Variants in ABTB3 observed in about 807,000 individuals in gnomAD.
The protein encoded by ABTB3 is ankyrin repeat and BTB domain containing 3, also known as ankyrin repeat- and BTB/POZ domain-containing protein 3.
chr12:107,592,886 T>A, the ABTB3 span, among the ~76,000 whole-genome samples: 1 of 152,204 alleles, frequency 6.6e-6, no homozygotes. Context: ...GGTCATTATA[T>A]TACTCTATAT....
the ABTB3 span, among the ~76,000 whole-genome samples, chr12:107,482,987 TC>T: frequency 0.17 from 2,406 of 14,172 alleles, 63 homozygotes; most frequent in East Asian, 0.22. Flanking sequence ...TTTCTTTCTT[TC>T]CTTCCTTCCT....
chr12:107,644,487 T>G, the ABTB3 span, among the ~76,000 whole-genome samples: 1 of 152,188 alleles, frequency 6.6e-6, no homozygotes, highest in Non-Finnish European at 1.5e-5. Context: ...ACAGAATTTC[T>G]TACACATTAG....
chr12:107,621,022 G>A, the ABTB3 span, among the ~76,000 whole-genome samples: 11 of 152,236 alleles, frequency 7.2e-5, no homozygotes, highest in Admixed American at 3.3e-4. Context: ...TCCCCCTGCC[G>A]GGCTGGGCTG....
the ABTB3 span, among the ~76,000 whole-genome samples, chr12:107,623,061 C>CTTTT: frequency 1.4e-5 from 2 of 138,272 alleles, no homozygotes; most frequent in East Asian, 2.1e-4. Flanking sequence ...GCTTATTTGT[C>CTTTT]TTTTTTTTTT....
chr12:107,641,055 AG>A, the ABTB3 span, among the ~76,000 whole-genome samples: 13 of 152,158 alleles, frequency 8.5e-5, no homozygotes, highest in Non-Finnish European at 1.9e-4. Context: ...GGTGGCGAGC[AG>A]GGGGTCCCTG....
the ABTB3 span, among the ~76,000 whole-genome samples, chr12:107,605,439 G>A: frequency 2.0e-5 from 3 of 152,220 alleles, no homozygotes; most frequent in Non-Finnish European, 2.9e-5. Context: ...AGAGAGCCAG[G>A]GGAAGGACCT....
the ABTB3 span, among the ~76,000 whole-genome samples, chr12:107,397,145 G>T: frequency 6.6e-6 from 1 of 152,206 alleles, no homozygotes; most frequent in Non-Finnish European, 1.5e-5. Context: ...AAGTAGAATT[G>T]CTGAATCACA....
At chr12:107,402,936 AC>A in the ABTB3 span, among the ~76,000 whole-genome samples, 2 of 151,156 alleles carry the variant, frequency 1.3e-5, no homozygotes, top group South Asian at 4.2e-4. Context: ...CCCCCCACCC[AC>A]CCCCAGGCTG....
At chr12:107,352,924 C>T in the ABTB3 span, among the ~76,000 whole-genome samples, 4 of 152,192 alleles carry the variant, frequency 2.6e-5, no homozygotes, top group African/African-American at 4.8e-5. Flanking sequence ...AAAGTTCTTT[C>T]GAAAGCAGAA....
the ABTB3 span, among the ~76,000 whole-genome samples, chr12:107,377,154 C>T: frequency 3.7e-3 from 559 of 152,230 alleles, 3 homozygotes; most frequent in African/African-American, 0.013. Flanking sequence ...GGGCCAAAGT[C>T]TCACCCCTCT....
chr12:107,345,351 C>T, the ABTB3 span, among the ~76,000 whole-genome samples: 2 of 152,086 alleles, frequency 1.3e-5, no homozygotes, highest in African/African-American at 4.8e-5. Flanking sequence ...CTTTGGAGCT[C>T]TCTATGAAGG....
chr12:107,348,843 A>G, the ABTB3 span, among the ~76,000 whole-genome samples: 3 of 152,162 alleles, frequency 2.0e-5, no homozygotes, highest in Non-Finnish European at 4.4e-5. Flanking sequence ...TTAGTCAGGG[A>G]TGCTATTTTA....
the ABTB3 span, among the ~76,000 whole-genome samples, chr12:107,384,527 C>G: frequency 2.0e-5 from 3 of 152,040 alleles, no homozygotes; most frequent in Non-Finnish European, 4.4e-5. Flanking sequence ...AAGAGGTGCC[C>G]GAAGGAAACT....
chr12:107,409,300 T>G, the ABTB3 span, among the ~76,000 whole-genome samples: 2 of 152,198 alleles, frequency 1.3e-5, no homozygotes, highest in South Asian at 4.1e-4. Context: ...ATAGGGCCTC[T>G]CCTGTGGAGA....
chr12:107,387,975 T>C, the ABTB3 span, among the ~76,000 whole-genome samples: 515 of 132,126 alleles, frequency 3.9e-3, 4 homozygotes, highest in African/African-American at 0.012. Flanking sequence ...TCTTCTTCTT[T>C]TTTTTTTTTT....
At chr12:107,542,446 T>C in the ABTB3 span, among the ~76,000 whole-genome samples, 2 of 152,326 alleles carry the variant, frequency 1.3e-5, no homozygotes, top group South Asian at 4.1e-4. Flanking sequence ...TATAGAGTGA[T>C]TCTTTTACAT....
the ABTB3 span, among the ~76,000 whole-genome samples, chr12:107,335,226 G>T: frequency 7.4e-6 from 1 of 135,730 alleles, no homozygotes; most frequent in Admixed American, 8.3e-5. Context: ...GTTTGAGGCT[G>T]CAGTGAGCTA....
the ABTB3 span, chr12:107,657,635 G>C: frequency 6.2e-7 from 1 of 1,614,178 alleles, no homozygotes; most frequent in Non-Finnish European, 8.5e-7. Context: ...GACCGGCCAG[G>C]ATGTGCTCCA....
chr12:107,344,017 T>A, the ABTB3 span, among the ~76,000 whole-genome samples: 1 of 152,142 alleles, frequency 6.6e-6, no homozygotes, highest in East Asian at 1.9e-4. Context: ...TATCTGTAGT[T>A]CTGCATCAAC....
Sources: gnomAD v4.1 joint callset for allele counts (sites outside exome capture counted in the v4.1 genomes callset) on GRCh38, gnomAD v4.1.1 for gene constraint, MANE v1.5 for transcripts, NCBI Gene and HGNC (gene_info 2026-07-23, HGNC 2026-07-21) for gene names.